The following PRKDC variants were observed in gnomAD, a reference collection of about 807,000 sequenced individuals.
PRKDC encodes the protein protein kinase, DNA-activated, catalytic subunit, also known as DNA-dependent protein kinase catalytic subunit.
A neutral mutation model predicts 486.9 loss-of-function variants in PRKDC; 82 were observed. The ratio of observed to expected loss-of-function variants is 0.17; its 90% CI spans 0.14 to 0.20. The LOEUF (loss-of-function observed/expected upper bound fraction) is 0.20. Among genes scored for constraint, PRKDC ranks in the 10% least tolerant of loss-of-function variants. The probability of loss-of-function intolerance (pLI) is 1.00; values close to 1 mark genes in which losing one functional copy is unlikely to be tolerated. For synonymous variants in PRKDC, 1,895 were observed against 1,837.0 expected (o/e 1.03, Z -0.81); for missense variants, 4,504 against 5,038.2 (o/e 0.89, Z 3.21).
intron 68 of PRKDC, 137 bp from the exon 69 acceptor site, chr8:47,807,463 G>C (rs1428546302): frequency 1.4e-6 from 1 of 707,718 alleles, no homozygotes; most frequent in East Asian, 3.0e-5. Flanking sequence ...CTGTTGCCCA[G>C]GCTGGAGTGC....
intron 36 of PRKDC, among the ~76,000 whole-genome samples, chr8:47,883,923 G>C (rs1422972130): frequency 6.6e-6 from 1 of 152,230 alleles, no homozygotes; most frequent in African/African-American, 2.4e-5. Context: ...CAGCGTGCAG[G>C]GCTCGCTGGT....
intron 25 of PRKDC, among the ~76,000 whole-genome samples, chr8:47,910,486 A>G (rs1224387009): frequency 1.3e-5 from 2 of 152,140 alleles, no homozygotes; most frequent in African/African-American, 4.8e-5. Flanking sequence ...ACAAGGGGCC[A>G]TTTCCCAGCA....
At chr8:47,947,330 C>T (rs1188414976) in intron 7 of PRKDC, among the ~76,000 whole-genome samples, 2 of 152,208 alleles carry the variant, frequency 1.3e-5, no homozygotes, top group Admixed American at 6.6e-5. Context: ...CACTACACCC[C>T]ACCTCTGGGC....
chr8:47,901,615 C>A (rs2089684151), intron 27 of PRKDC, among the ~76,000 whole-genome samples: 1 of 152,328 alleles, frequency 6.6e-6, no homozygotes, highest in East Asian at 1.9e-4. Flanking sequence ...CACACAAGTG[C>A]CTCTGTCCCT....
intron 80 of PRKDC, among the ~76,000 whole-genome samples, chr8:47,779,645 A>T (rs1485995513): frequency 6.6e-6 from 1 of 152,144 alleles, no homozygotes; most frequent in Non-Finnish European, 1.5e-5. Context: ...GCTGGAGTGC[A>T]GTGGTGCGAT....
At chr8:47,900,709 C>T (rs1435021979) in intron 27 of PRKDC, among the ~76,000 whole-genome samples, 2 of 151,836 alleles carry the variant, frequency 1.3e-5, no homozygotes, top group African/African-American at 2.4e-5. Context: ...ATTAGCTGGG[C>T]GCGGTGGCAG....
At position 47,929,023 on chromosome 8, in the gene PRKDC, G is replaced by C. The variant is rs1410614480; in HGVS notation, c.2139+69C>G. ...TAAAATAATTATTTATGATCACTAG[G>C]ATTTTTTCAATAGATATTCATTTAA... is the stretch of plus-strand genomic sequence containing the variant. On this transcript the variant is annotated intron_variant, in intron 19 of 85. Coordinates refer to ENST00000314191, the MANE Select transcript of PRKDC (RefSeq NM_006904.7). 7.6e-6 allele frequency: 9 copies of C among 1,183,754 alleles called. No individual in the cohort carries two copies. In the East Asian group the frequency reaches 2.3e-4, roughly 30 times the overall value. 73.3% of individuals were successfully genotyped at this position (1,183,754 alleles called of 1,614,324 possible). A position where few individuals can be genotyped will look rare whatever the true frequency, so the allele number is the denominator to read the frequency against.
rs542940186 is a variant in PRKDC, at chr8:47,782,961, C to G, written c.11176-363G>C. The G allele has an allele frequency of 4.7e-5, 12 of 254,014 alleles. No homozygotes were observed. The highest frequency in any genetic ancestry group is 6.9e-5 in the Non-Finnish European group (9 of 129,808). The allele number at this position is 254,014 out of a possible 1,614,324, so 15.7% of individuals were successfully genotyped here. On this transcript the variant is annotated intron_variant, in intron 78 of 85. Transcript: ENST00000314191. The surrounding 1 kb of genome is among the most constrained non-coding windows in gnomAD (Gnocchi z 4.9). ...TGATATCTTAAATAGAACTGTTGTT[C>G]AAACACTGGAGACATAATATATTAA...
chr8:47,830,547 C>T, intron 61 of PRKDC, 58 bp downstream of exon 61: 1 of 1,595,392 alleles, frequency 6.3e-7, no homozygotes, highest in Admixed American at 1.7e-5. Flanking sequence ...ATAGGCAAAC[C>T]CCTGAACTGG....
intron 63 of PRKDC, among the ~76,000 whole-genome samples, chr8:47,825,570 A>G (rs1024831373): frequency 2.0e-5 from 3 of 152,060 alleles, no homozygotes; most frequent in Non-Finnish European, 4.4e-5. Context: ...AAGGAATGCA[A>G]AAATATCACA....
intron 39 of PRKDC, among the ~76,000 whole-genome samples, chr8:47,878,351 C>G (rs1300196968): frequency 6.6e-6 from 1 of 152,146 alleles, no homozygotes; most frequent in Non-Finnish European, 1.5e-5. Flanking sequence ...GTGATCTGCC[C>G]TCCTCGGCCA....
intron 30 of PRKDC, among the ~76,000 whole-genome samples, chr8:47,895,756 C>T (rs143385521): frequency 7.9e-5 from 12 of 152,256 alleles, no homozygotes; most frequent in Admixed American, 2.6e-4. Flanking sequence ...ACTGAAAATG[C>T]TAGGCCAGGC....
In PRKDC at chr8:47,858,540, G is replaced by C. The variant is rs376156239; in HGVS notation, c.6441C>G (p.Ala2147=). 750 of 1,526,380 alleles carry C rather than the reference G, an allele frequency of 4.9e-4. 12 individuals carry two copies. In the South Asian group the frequency reaches 8.7e-3, roughly 18 times the overall value. 94.6% of individuals were successfully genotyped at this position (1,526,380 alleles called of 1,614,324 possible). Residue 2147 remains alanine (A), a synonymous_variant, in exon 48 of 86, where the codon GCC becomes GCG. Transcript: ENST00000314191. The part of the protein sequence containing the change: ...IVPLNIRLFL[A]KLVINTEEVF... Reference sequence around the variant, plus strand: ...CCTCTTCTGTATTAATAACAAGCTTGGCTAAGAAGAGACGGATATTTAATG... The same window carrying C: ...CCTCTTCTGTATTAATAACAAGCTTCGCTAAGAAGAGACGGATATTTAATG...
intron 74 of PRKDC, 57 bp downstream of exon 74, chr8:47,794,230 AACC>A (rs2086938436): frequency 1.2e-5 from 17 of 1,393,930 alleles, no homozygotes; most frequent in South Asian, 1.0e-4. Flanking sequence ...TGTGTGCTTT[AACC>A]ACATTTTTAT....
intron 77 of PRKDC, chr8:47,784,082 C>T (rs952370742): frequency 3.0e-6 from 1 of 338,210 alleles, no homozygotes; most frequent in Non-Finnish European, 5.6e-6. Context: ...CATGGTGAAG[C>T]CCCGTCTCTA....
At chr8:47,931,068 C>T (rs916954277) in intron 16 of PRKDC, among the ~76,000 whole-genome samples, 1 of 152,150 alleles carries the variant, frequency 6.6e-6, no homozygotes, top group South Asian at 2.1e-4. Flanking sequence ...AGCAATAATG[C>T]CTTGACAGAG....
chr8:47,922,202 G>C (rs2090083570), intron 21 of PRKDC, among the ~76,000 whole-genome samples: 1 of 151,858 alleles, frequency 6.6e-6, no homozygotes, highest in Admixed American at 6.6e-5. Flanking sequence ...GTGCAATCAT[G>C]ACTTATTGCA....
In PRKDC at chr8:47,858,591, A is replaced by G. The variant is rs750781973; in HGVS notation, c.6390T>C (p.His2130=). Residue 2130 remains histidine, a synonymous_variant, in exon 48 of 86, where the codon CAT becomes CAC. Transcript: ENST00000314191. ...GTACTATTGGATTTCCCAGTTTGCC[A>G]TGGAGGAATTTCATCCAAGAAGGAA... ...RDLPSWMKFL[H]GKLGNPIVPL... 2.6e-6 allele frequency: 4 copies of G among 1,559,546 alleles called. No individual in the cohort carries two copies. The highest frequency in any genetic ancestry group is 2.3e-5 in the East Asian group (1 of 44,228).
intron 69 of PRKDC, among the ~76,000 whole-genome samples, chr8:47,806,522 T>C (rs1054846666): frequency 2.6e-5 from 4 of 152,252 alleles, no homozygotes; most frequent in African/African-American, 9.6e-5. Flanking sequence ...TCTACTAGAA[T>C]ATCATCCTTT....
Sources: gnomAD v4.1 joint callset for allele counts (sites outside exome capture counted in the v4.1 genomes callset) on GRCh38, gnomAD v4.1.1 for gene constraint, Gnocchi (gnomAD v3.1) non-coding constraint, MANE v1.5 for transcripts, NCBI Gene and HGNC (gene_info 2026-07-23, HGNC 2026-07-21) for gene names.